The following MKNK1 variants were observed in gnomAD, a reference collection of about 807,000 sequenced individuals.
MKNK1 encodes MAPK interacting serine/threonine kinase 1.
MKNK1 carries 30 observed loss-of-function variants against 49.3 expected under a neutral mutation model. That is an observed-to-expected ratio of 0.61 (90% CI 0.46 to 0.83). The LOEUF is 0.83. Among genes scored for constraint, MKNK1 ranks in the 40% least tolerant of loss-of-function variants. MKNK1 has a pLI of 0.00. For missense variants in MKNK1, 423 were observed against 524.7 expected, an observed-to-expected ratio of 0.81 and a Z score of 1.89; for synonymous variants, 176 against 201.7, an observed-to-expected ratio of 0.87 and a Z score of 1.08.
intron 2 of MKNK1, among the ~76,000 whole-genome samples, chr1:46,590,536 T>C (rs559537240): frequency 1.3e-5 from 2 of 152,396 alleles, no homozygotes; most frequent in South Asian, 4.1e-4. Context: ...TTAAATGATT[T>C]GCTCAAGGTC....
intron 2 of MKNK1, among the ~76,000 whole-genome samples, chr1:46,591,334 G>A (rs543014709): frequency 4.1e-4 from 63 of 152,258 alleles, no homozygotes; most frequent in African/African-American, 1.5e-3. Context: ...GGCAGGTGAG[G>A]CCTGCTAGGG....
At chr1:46,600,151 C>T (rs1384064677) in intron 1 of MKNK1, among the ~76,000 whole-genome samples, 3 of 152,228 alleles carry the variant, frequency 2.0e-5, no homozygotes, top group African/African-American at 7.2e-5. Context: ...CTCCTTCTTC[C>T]AAACTCCCAC....
chr1:46,578,507 C>A (rs1259964299), intron 4 of MKNK1, among the ~76,000 whole-genome samples: 1 of 152,106 alleles, frequency 6.6e-6, no homozygotes, highest in Non-Finnish European at 1.5e-5. Flanking sequence ...AGAAATATAC[C>A]TCTCATCCAT....
intron 6 of MKNK1, among the ~76,000 whole-genome samples, chr1:46,573,134 A>G (rs1206467485): frequency 6.6e-6 from 1 of 152,152 alleles, no homozygotes; most frequent in African/African-American, 2.4e-5. Context: ...CAAAAAGAAA[A>G]ATGGTTGAGC....
At chr1:46,574,219 G>A (rs1479734011) in intron 6 of MKNK1, 3 of 152,212 alleles carry the variant, frequency 2.0e-5, no homozygotes, top group African/African-American at 7.2e-5. Context: ...TTATAGAAGG[G>A]AATATTGTTT....
intron 7 of MKNK1, 103 bp downstream of exon 7, chr1:46,571,960 C>A: frequency 9.6e-7 from 1 of 1,046,200 alleles, no homozygotes; most frequent in Non-Finnish European, 1.5e-6. Flanking sequence ...TGCCTTCCAG[C>A]CACACCATCT....
intron 2 of MKNK1, among the ~76,000 whole-genome samples, chr1:46,584,329 AAAT>A (rs1672185066): frequency 6.6e-6 from 1 of 152,132 alleles, no homozygotes; most frequent in Non-Finnish European, 1.5e-5. Context: ...CTGCAGTTAG[AAAT>A]AATAAGATTT....
rs1304157624 is a variant in MKNK1, at chr1:46,572,206, G to A, written c.353-39C>T. 6 of 1,563,088 alleles carry A rather than the reference G, an allele frequency of 3.8e-6. No individual in the cohort carries two copies. In the Admixed American group the frequency reaches 8.4e-5, roughly 22 times the overall value. ...GGGACATAGAAGAATGCCTTTTTGG[G>A]CTCTAGTAAGTATAAGTTTTTTTTT... On this transcript the variant is annotated intron_variant, in intron 6 of 12. Transcript: ENST00000371945.
intron 7 of MKNK1, chr1:46,568,752 C>T (rs1669548268): frequency 5.9e-6 from 3 of 504,522 alleles, no homozygotes; most frequent in Non-Finnish European, 7.2e-6. Flanking sequence ...GAATCCCAGC[C>T]AGCCTACCCC....
rs56195429 is a variant in MKNK1 at position 46,558,782 on chromosome 1, G to A, written c.1032C>T (p.Asp344=). The A allele has an allele frequency of 3.9e-3, 6,335 of 1,613,944 alleles. 142 individuals are homozygous for A. In the Admixed American group the frequency reaches 0.043, roughly 11 times the overall value. The part of the protein sequence containing the change: ...QVLQRNSSTM[D]LTLFAAEAIA... The stretch of plus-strand genomic sequence containing the variant: ...TGGCCTCAGCTGCGAAGAGCGTCAG[G>A]TCCATTGTGCTGCTGTTCCTGCAGG... The change falls in exon 13 of 13, where the codon GAC becomes GAT. Residue 344 remains aspartate (D), a synonymous_variant. Coordinates refer to ENST00000371945, the MANE Select transcript of MKNK1 (RefSeq NM_001135553.4).
chr1:46,566,650 T>C (rs1370380442), intron 8 of MKNK1, among the ~76,000 whole-genome samples: 1 of 152,218 alleles, frequency 6.6e-6, no homozygotes, highest in Non-Finnish European at 1.5e-5. Context: ...CAACACTTAC[T>C]ATTTTCCATT....
chr1:46,564,901 G>T, intron 9 of MKNK1, 140 bp downstream of exon 9: 1 of 818,662 alleles, frequency 1.2e-6, no homozygotes, highest in Non-Finnish European at 2.0e-6. Context: ...CGAACACAGA[G>T]CAGCAAGCAA....
chr1:46,602,749 T>C (rs1674907548), intron 1 of MKNK1, among the ~76,000 whole-genome samples: 1 of 152,180 alleles, frequency 6.6e-6, no homozygotes, highest in South Asian at 2.1e-4. Context: ...AGCCAAAAGA[T>C]TGGACACCAC....
intron 2 of MKNK1, chr1:46,586,229 C>A (rs1557878315): frequency 6.7e-6 from 2 of 297,710 alleles, no homozygotes; most frequent in Non-Finnish European, 1.3e-5. Context: ...TGCACCTTGG[C>A]TCACCTGCTT....
At chr1:46,582,744 A>G in intron 3 of MKNK1, 1 of 395,400 alleles carries the variant, frequency 2.5e-6, no homozygotes, top group Non-Finnish European at 5.0e-6. Flanking sequence ...CACAACACGT[A>G]TTCTTTAAAA....
At position 46,594,297 on chromosome 1, in the gene MKNK1, TAGAA is replaced by T; in HGVS notation, c.-170-21_-170-18del. On this transcript the variant is annotated intron_variant, in intron 1 of 12. Transcript: ENST00000371945. ...CATGGAAACCTTGAAAAAGCAGAAA[TAGAA>T]AGGAAATCAAAATGCTGACTTCTTT... 1.4e-6 allele frequency: 1 copy of T among 700,764 alleles called. No homozygotes were observed. 43.4% of individuals were successfully genotyped at this position (700,764 alleles called of 1,614,324 possible).
intron 2 of MKNK1, among the ~76,000 whole-genome samples, chr1:46,590,637 T>TA (rs1673194502): frequency 6.6e-6 from 1 of 152,206 alleles, no homozygotes; most frequent in South Asian, 2.1e-4. Flanking sequence ...ATTTAAACCT[T>TA]AATGCTGAAA....
chr1:46,593,193 C>T (rs1187715899), intron 2 of MKNK1, among the ~76,000 whole-genome samples: 1 of 152,020 alleles, frequency 6.6e-6, no homozygotes, highest in Non-Finnish European at 1.5e-5. Context: ...TGAAAAGACA[C>T]ATCTCAAATT....
At position 46,560,218 on chromosome 1, in the gene MKNK1, TG is replaced by T. The variant is rs760136563; in HGVS notation, c.1013+15del. On this transcript the variant is annotated intron_variant, in intron 12 of 12. Coordinates refer to ENST00000371945, the MANE Select transcript of MKNK1 (RefSeq NM_001135553.4). ...CTTGAGGAAGAGCATGGCGTGGGGG[TG>T]GTCAGAGCATTTACCTCTGGAGGAC... 3.1e-6 allele frequency: 5 copies of T among 1,613,222 alleles called. No individual in the cohort carries two copies. The highest frequency in any genetic ancestry group is 3.4e-6 in the Non-Finnish European group (4 of 1,179,638).
Sources: gnomAD v4.1 joint callset for allele counts (sites outside exome capture counted in the v4.1 genomes callset) on GRCh38, gnomAD v4.1.1 for gene constraint, MANE v1.5 for transcripts, NCBI Gene and HGNC (gene_info 2026-07-23, HGNC 2026-07-21) for gene names.